The following NRG1 variants were observed in gnomAD, a reference collection of about 807,000 sequenced individuals.
The protein encoded by NRG1 is neuregulin 1, also known as pro-neuregulin-1, membrane-bound isoform.
Under a neutral mutation model 63.8 loss-of-function variants are expected in NRG1, and 18 were observed. The ratio of observed to expected loss-of-function variants is 0.28; its 90% CI spans 0.19 to 0.42. The LOEUF is 0.42. Ranked by LOEUF, NRG1 falls within the 10% of genes least tolerant of loss-of-function variation. NRG1 has a pLI of 1.00. For synonymous variants in NRG1, 302 were observed against 301.3 expected, an observed-to-expected ratio of 1.00 and a Z score of -0.02; for missense variants, 762 against 814.7, an observed-to-expected ratio of 0.94 and a Z score of 0.79.
intron 1 of NRG1, among the ~76,000 whole-genome samples, chr8:31,649,773 A>T (rs1804654229): frequency 6.6e-6 from 1 of 152,190 alleles, no homozygotes; most frequent in Non-Finnish European, 1.5e-5. Flanking sequence ...TCATCATGAG[A>T]ATATTGTATT....
chr8:32,554,337 G>A (rs754326266), intron 1 of NRG1, among the ~76,000 whole-genome samples: 2 of 151,974 alleles, frequency 1.3e-5, no homozygotes, highest in African/African-American at 2.4e-5. Flanking sequence ...AAAAAAAAGC[G>A]AGCTACCAAA....
At chr8:32,382,619 G>A (rs16879301) in intron 1 of NRG1, among the ~76,000 whole-genome samples, 13,095 of 152,158 alleles carry the variant, frequency 0.086, 643 homozygotes, top group African/African-American at 0.12. Context: ...AATAATTTTC[G>A]TATTTGCCAC....
intron 6 of NRG1, chr8:32,728,761 C>A: frequency 1.4e-6 from 1 of 693,252 alleles, no homozygotes; most frequent in Non-Finnish European, 1.8e-6. Flanking sequence ...AGTTGATGCA[C>A]CATTAAGAAG....
chr8:32,590,475 T>C (rs1370475508), intron 1 of NRG1, among the ~76,000 whole-genome samples: 7 of 152,198 alleles, frequency 4.6e-5, no homozygotes, highest in African/African-American at 1.7e-4. Flanking sequence ...GAGCTTGCCT[T>C]CAACTAATTT....
chr8:31,909,099 A>C (rs1832745160), intron 1 of NRG1, among the ~76,000 whole-genome samples: 1 of 152,146 alleles, frequency 6.6e-6, no homozygotes, highest in Non-Finnish European at 1.5e-5. Context: ...AAAAAGCTAC[A>C]CTTTGTGGCC....
chr8:31,978,258 T>C (rs1257878177), intron 1 of NRG1, among the ~76,000 whole-genome samples: 1 of 152,088 alleles, frequency 6.6e-6, no homozygotes, highest in African/African-American at 2.4e-5. Flanking sequence ...AATTTAACTT[T>C]TTAAGGAACT....
chr8:31,747,753 G>A (rs1355970969), intron 1 of NRG1, among the ~76,000 whole-genome samples: 1 of 151,764 alleles, frequency 6.6e-6, no homozygotes, highest in Non-Finnish European at 1.5e-5. Flanking sequence ...TGGAATACCT[G>A]GCTGTTTTGT....
At chr8:31,679,407 T>C (rs1808088570) in intron 1 of NRG1, among the ~76,000 whole-genome samples, 1 of 152,176 alleles carries the variant, frequency 6.6e-6, no homozygotes, top group Non-Finnish European at 1.5e-5. Flanking sequence ...TTTCATCTGT[T>C]TTGTCACTGC....
At chr8:32,098,737 G>T (rs1182216161) in intron 1 of NRG1, 1 of 152,152 alleles carries the variant, frequency 6.6e-6, no homozygotes, top group Non-Finnish European at 1.5e-5. Flanking sequence ...AACTGAGGAA[G>T]AAGGGCACCT....
chr8:31,941,898 A>C (rs555119595), intron 1 of NRG1, among the ~76,000 whole-genome samples: 1 of 152,304 alleles, frequency 6.6e-6, no homozygotes, highest in East Asian at 1.9e-4. Context: ...AGACAACACA[A>C]ACAAATGGAA....
At chr8:32,283,336 C>T (rs1853112018) in intron 1 of NRG1, among the ~76,000 whole-genome samples, 1 of 152,104 alleles carries the variant, frequency 6.6e-6, no homozygotes, top group South Asian at 2.1e-4. Flanking sequence ...TTATGCATTA[C>T]TGATATGACT....
chr8:31,653,384 GCGATAGT>G (rs1805097712), intron 1 of NRG1, among the ~76,000 whole-genome samples: 1 of 152,056 alleles, frequency 6.6e-6, no homozygotes, highest in South Asian at 2.1e-4. Context: ...CAAGTAAAAT[GCGATAGT>G]TTATTTCTAC....
chr8:31,969,385 C>T (rs1304580207), intron 1 of NRG1, among the ~76,000 whole-genome samples: 1 of 152,148 alleles, frequency 6.6e-6, no homozygotes, highest in African/African-American at 2.4e-5. Context: ...GAATTCATAG[C>T]TTTTTATTGA....
intron 1 of NRG1, among the ~76,000 whole-genome samples, chr8:32,126,033 A>T (rs1338063549): frequency 6.6e-6 from 1 of 151,786 alleles, no homozygotes. Context: ...AATTCTTCAC[A>T]TGCATGCCTT....
chr8:32,051,242 C>G (rs992340652), intron 1 of NRG1, among the ~76,000 whole-genome samples: 9 of 151,934 alleles, frequency 5.9e-5, no homozygotes, highest in African/African-American at 2.2e-4. Flanking sequence ...TCTTGACTAC[C>G]AATAATGTAT....
chr8:31,999,745 A>C (rs997553043), intron 1 of NRG1, among the ~76,000 whole-genome samples: 1 of 152,014 alleles, frequency 6.6e-6, no homozygotes, highest in Non-Finnish European at 1.5e-5. Flanking sequence ...GGGATCTTAT[A>C]ATCATGTAAA....
chr8:32,395,790 G>A (rs994965622), intron 1 of NRG1, among the ~76,000 whole-genome samples: 2 of 151,980 alleles, frequency 1.3e-5, no homozygotes, highest in African/African-American at 4.8e-5. Flanking sequence ...TGGTCTTGTA[G>A]CTAAGAAAAC....
chr8:32,065,818 C>G (rs138037245), intron 1 of NRG1, among the ~76,000 whole-genome samples: 3,170 of 152,258 alleles, frequency 0.021, 38 homozygotes, highest in South Asian at 0.039. Context: ...CAAAAGTGTT[C>G]CTATTTCTCC....
At chr8:32,754,615 G>C in intron 8 of NRG1, 141 bp downstream of exon 8, 1 of 717,480 alleles carries the variant, frequency 1.4e-6, no homozygotes, top group Non-Finnish European at 2.4e-6. Flanking sequence ...TATTTCCTCT[G>C]AATAATCCAT....
Sources: gnomAD v4.1 joint callset for allele counts (sites outside exome capture counted in the v4.1 genomes callset) on GRCh38, gnomAD v4.1.1 for gene constraint, MANE v1.5 for transcripts, NCBI Gene and HGNC (gene_info 2026-07-23, HGNC 2026-07-21) for gene names.